The following METTL4 variants were observed in gnomAD, a reference collection of about 807,000 sequenced individuals.
The protein encoded by METTL4 is methyltransferase 4, N6-adenosine.
In METTL4, 40 loss-of-function variants were observed where a neutral mutation model predicts 54.0. The ratio of observed to expected loss-of-function variants is 0.74; its 90% CI spans 0.58 to 0.96. METTL4 has a LOEUF of 0.96. Among genes scored for constraint, METTL4 ranks in the 50% least tolerant of loss-of-function variants. The probability of loss-of-function intolerance (pLI) is 0.00; values close to 1 mark genes in which losing one functional copy is unlikely to be tolerated. For synonymous variants in METTL4, 169 were observed against 183.8 expected, an observed-to-expected ratio of 0.92 and a Z score of 0.65; for missense variants, 525 against 549.0, an observed-to-expected ratio of 0.96 and a Z score of 0.44.
chr18:2,558,984 G>A (rs2072276896), intron 3 of METTL4, among the ~76,000 whole-genome samples: 1 of 152,180 alleles, frequency 6.6e-6, no homozygotes, highest in South Asian at 2.1e-4. Context: ...GCAAGGATGT[G>A]GAGAAACTGG....
intron 3 of METTL4, among the ~76,000 whole-genome samples, chr18:2,558,893 T>C (rs1013353924): frequency 8.5e-5 from 13 of 152,106 alleles, no homozygotes; most frequent in African/African-American, 3.1e-4. Flanking sequence ...TTACTAACCA[T>C]TAGGTAAATA....
At chr18:2,552,159 C>T (rs866054460) in intron 5 of METTL4, among the ~76,000 whole-genome samples, 4 of 150,052 alleles carry the variant, frequency 2.7e-5, no homozygotes, top group Non-Finnish European at 4.4e-5. Context: ...CGCCACTGCA[C>T]TCCAGCCTGG....
At chr18:2,556,764 A>G (rs2072245209) in intron 3 of METTL4, among the ~76,000 whole-genome samples, 1 of 152,160 alleles carries the variant, frequency 6.6e-6, no homozygotes, top group Admixed American at 6.5e-5. Context: ...CAAAATGAAG[A>G]CAGAAAAAGT....
chr18:2,560,122 T>C (rs1360916278), intron 3 of METTL4, among the ~76,000 whole-genome samples: 1 of 152,140 alleles, frequency 6.6e-6, no homozygotes, highest in Non-Finnish European at 1.5e-5. Context: ...CGGTTCTCTA[T>C]TAAAAAACCT....
rs1598337789 is a variant in METTL4 at position 2,537,939 on chromosome 18, T to C, written c.*1061A>G. 2 of 398,346 alleles carry C rather than the reference T, an allele frequency of 5.0e-6. No individual in the cohort carries two copies. The highest frequency in any genetic ancestry group is 3.6e-5 in the East Asian group (1 of 28,036). 24.7% of individuals were successfully genotyped at this position (398,346 alleles called of 1,614,324 possible). On this transcript the variant is annotated 3_prime_UTR_variant, in exon 9 of 9. Transcript: ENST00000574538. ...AGGGGATTGACTGCAAAAGGAAAAA[T>C]GAGAAGTTTTCAGGGTAAAGAAAGT...
chr18:2,560,613 C>T (rs1025866775), intron 3 of METTL4, among the ~76,000 whole-genome samples: 11 of 152,314 alleles, frequency 7.2e-5, no homozygotes, highest in African/African-American at 2.6e-4. Flanking sequence ...CGCAGTGGCT[C>T]ACGCCTATAA....
At chr18:2,546,049 C>T (rs1252016025) in intron 6 of METTL4, among the ~76,000 whole-genome samples, 4 of 152,024 alleles carry the variant, frequency 2.6e-5, no homozygotes, top group African/African-American at 4.8e-5. Context: ...ATAGGCAAGA[C>T]GGAACAGGGT....
intron 3 of METTL4, among the ~76,000 whole-genome samples, chr18:2,562,837 T>A (rs1219228726): frequency 3.3e-5 from 5 of 152,042 alleles, no homozygotes; most frequent in African/African-American, 4.8e-5. Context: ...GTACTAGAGA[T>A]GAACAGCAGT....
intron 1 of METTL4, among the ~76,000 whole-genome samples, chr18:2,570,503 G>C (rs1391112845): frequency 1.3e-5 from 2 of 152,110 alleles, no homozygotes; most frequent in African/African-American, 4.8e-5. Flanking sequence ...ATCTTTTCTG[G>C]GGAAAACATT....
At chr18:2,563,167 ACT>A (rs1187667287) in intron 3 of METTL4, among the ~76,000 whole-genome samples, 1 of 152,072 alleles carries the variant, frequency 6.6e-6, no homozygotes, top group Non-Finnish European at 1.5e-5. Context: ...CTCTTCTGCC[ACT>A]CTCTTAATAT....
Position 2,563,600 on chromosome 18 carries a change from C to CAAAA in METTL4, c.459+193_459+196dup, listed in dbSNP as rs67428228. On this transcript the variant is annotated intron_variant, in intron 3 of 8. Transcript: ENST00000574538. ...TGGGCAACAGAATGAGACTCTGCCT[C>CAAAA]AAAAAAAAAAAAAAAAAAAAGACAA... Among the ~76,000 whole-genome samples the CAAAA allele has an allele frequency of 1.1e-3, 103 of 97,340 alleles. 2 individuals are homozygous for CAAAA. The highest frequency in any genetic ancestry group is 2.0e-3 in the African/African-American group (48 of 23,822). The allele number at this position is 97,340 out of a possible 152,430, so 63.9% of individuals were successfully genotyped here.
intron 3 of METTL4, among the ~76,000 whole-genome samples, chr18:2,558,643 A>G (rs1014652631): frequency 6.6e-6 from 1 of 151,912 alleles, no homozygotes; most frequent in African/African-American, 2.4e-5. Flanking sequence ...AAAACACAGA[A>G]GTCAATAAAA....
chr18:2,544,749 G>A lies in METTL4; in HGVS notation c.1085C>T (p.Ser362Leu), dbSNP rs559475859. ...ATCTAATGGGAACACAAATTCTCCT[G>A]AATTGGTTATCTGATAGGAAGGAGC... The part of the protein sequence containing the change: ...AEWHWVKITN[S>L]GEFVFPLDSP... Residue 362 changes from serine (S) to leucine (L), a missense_variant, in exon 7 of 9, where the codon TCA becomes TTA. Transcript: ENST00000574538. 36 of 1,610,824 alleles carry A rather than the reference G, an allele frequency of 2.2e-5. No individual in the cohort carries two copies. The African/African-American group carries it at 2.3e-4, about 10-fold the overall frequency.
At chr18:2,559,389 T>C (rs2072282975) in intron 3 of METTL4, among the ~76,000 whole-genome samples, 2 of 151,298 alleles carry the variant, frequency 1.3e-5, no homozygotes, top group South Asian at 2.1e-4. Context: ...TTACATGAGG[T>C]ATAGGCAAAT....
intron 3 of METTL4, among the ~76,000 whole-genome samples, chr18:2,560,519 CCGA>C (rs1355680848): frequency 6.6e-6 from 1 of 152,058 alleles, no homozygotes; most frequent in East Asian, 1.9e-4. Flanking sequence ...ATATATAAGG[CCGA>C]AGAAGTAAAT....
intron 1 of METTL4, among the ~76,000 whole-genome samples, chr18:2,568,209 C>A (rs4284717): frequency 0.96 from 146,882 of 152,350 alleles, 71,041 homozygotes; most frequent in East Asian, 1. Flanking sequence ...CCTGGCTCAC[C>A]GCCCCTGTAG....
chr18:2,567,046 T>C lies in METTL4; in HGVS notation c.171A>G (p.Gly57=). Residue 57 remains glycine (G), a synonymous_variant, in exon 2 of 9, where the codon GGA becomes GGG. Coordinates refer to ENST00000574538, the MANE Select transcript of METTL4 (RefSeq NM_022840.5). ...SLQMDSVSSS[G]VCAAFIASDS... is the part of the protein sequence containing the mutation. ...CAGAAGCAATAAATGCAGCACAGAC[T>C]CCAGAGGAGGACACAGAATCCATTT... The C allele has an allele frequency of 6.2e-7, 1 of 1,614,134 alleles. No individual in the cohort carries two copies. The highest frequency in any genetic ancestry group is 8.5e-7 in the Non-Finnish European group (1 of 1,180,008).
At chr18:2,552,387 G>A (rs1445106070) in intron 5 of METTL4, among the ~76,000 whole-genome samples, 1 of 151,960 alleles carries the variant, frequency 6.6e-6, no homozygotes, top group Non-Finnish European at 1.5e-5. Context: ...AAATATCTTG[G>A]CACATATTTC....
intron 3 of METTL4, among the ~76,000 whole-genome samples, chr18:2,559,579 G>A (rs1245527746): frequency 6.6e-6 from 1 of 151,876 alleles, no homozygotes; most frequent in African/African-American, 2.4e-5. Flanking sequence ...TTTATGATAC[G>A]TATATTTTAC....
Sources: allele counts gnomAD v4.1 joint callset (sites outside exome capture counted in the v4.1 genomes callset), GRCh38; gene constraint gnomAD v4.1.1; transcripts MANE v1.5; gene names NCBI Gene and HGNC (gene_info 2026-07-23, HGNC 2026-07-21).